The following ZDHHC21 variants were observed in gnomAD, a reference collection of about 807,000 sequenced individuals.
ZDHHC21 encodes the protein palmitoyltransferase ZDHHC21.
ZDHHC21 carries 15 observed loss-of-function variants against 34.6 expected under a neutral mutation model. That is an observed-to-expected ratio of 0.43 (90% confidence interval 0.29 to 0.67). The LOEUF (loss-of-function observed/expected upper bound fraction) is 0.67. Ranked by LOEUF, ZDHHC21 falls within the 30% of genes least tolerant of loss-of-function variation. The pLI, the probability that ZDHHC21 is intolerant of heterozygous loss-of-function variation, is 0.14. For synonymous variants in ZDHHC21, 142 were observed against 101.8 expected, an observed-to-expected ratio of 1.40 and a Z score of -2.38; for missense variants, 344 against 327.7, an observed-to-expected ratio of 1.05 and a Z score of -0.38.
In ZDHHC21 at chr9:14,615,744, G is replaced by A. The variant is rs1824041225; in HGVS notation, c.*3222C>T. 6.6e-6 allele frequency: 1 copy of A among 151,728 alleles called. No homozygotes were observed. The highest frequency in any genetic ancestry group is 1.5e-5 in the Non-Finnish European group (1 of 67,708). 9.4% of individuals were successfully genotyped at this position (151,728 alleles called of 1,614,324 possible). A position where few individuals can be genotyped will look rare whatever the true frequency, so the allele number is the denominator to read the frequency against. ...GAAAACAACAATGACAAATATGATT[G>A]TTAAGGAGGTGTAACTTACAGTATC... is the stretch of plus-strand genomic sequence containing the variant. On this transcript the variant is annotated 3_prime_UTR_variant, in exon 10 of 10. Transcript: ENST00000380916.
intron 8 of ZDHHC21, among the ~76,000 whole-genome samples, chr9:14,621,743 A>G (rs1167410029): frequency 6.6e-6 from 1 of 152,146 alleles, no homozygotes; most frequent in East Asian, 1.9e-4. Flanking sequence ...CCAGAGCAAT[A>G]CAAATTAGGT....
chr9:14,608,090 G>C (rs540412548), downstream of ZDHHC21, among the ~76,000 whole-genome samples: 8 of 152,192 alleles, frequency 5.3e-5, no homozygotes, highest in East Asian at 1.5e-3. Flanking sequence ...CTTCATACTG[G>C]TTACTTCTAG....
chr9:14,666,442 A>C (rs1203331330), intron 5 of ZDHHC21, among the ~76,000 whole-genome samples: 1 of 101,294 alleles, frequency 9.9e-6, no homozygotes, highest in Admixed American at 9.7e-5. Flanking sequence ...CAGATCAACG[A>C]GACAGAAAGT....
At chr9:14,681,312 TG>T (rs1837330202) in intron 2 of ZDHHC21, among the ~76,000 whole-genome samples, 2 of 152,172 alleles carry the variant, frequency 1.3e-5, no homozygotes, top group South Asian at 4.1e-4. Flanking sequence ...CCTAGCACAC[TG>T]GGCTCAAGCA....
intron 8 of ZDHHC21, among the ~76,000 whole-genome samples, chr9:14,630,127 T>G (rs1827074843): frequency 6.6e-6 from 1 of 152,210 alleles, no homozygotes; most frequent in South Asian, 2.1e-4. Context: ...CTCTGTAGCA[T>G]GCGATGCAAT....
intron 7 of ZDHHC21, among the ~76,000 whole-genome samples, chr9:14,653,929 T>G (rs552663570): frequency 6.6e-6 from 1 of 152,002 alleles, no homozygotes; most frequent in Non-Finnish European, 1.5e-5. Context: ...TGTTTAAAGA[T>G]ACTGGCAAGT....
chr9:14,658,413 G>A (rs932213000), intron 7 of ZDHHC21, among the ~76,000 whole-genome samples: 29 of 116,404 alleles, frequency 2.5e-4, no homozygotes, highest in African/African-American at 1.2e-3. Flanking sequence ...GGAACCACAT[G>A]TTAATAATTG....
At chr9:14,681,134 C>T (rs558607111) in intron 2 of ZDHHC21, among the ~76,000 whole-genome samples, 18 of 152,092 alleles carry the variant, frequency 1.2e-4, no homozygotes, top group African/African-American at 2.2e-4. Context: ...ATTACTAGTA[C>T]GCACAGATAT....
the ZDHHC21 span, among the ~76,000 whole-genome samples, chr9:14,594,822 T>A: frequency 6.6e-6 from 1 of 152,276 alleles, no homozygotes; most frequent in South Asian, 2.1e-4. Context: ...AACACATAAT[T>A]CTTATAATAA....
At chr9:14,678,450 ATC>A (rs1210608477) in intron 3 of ZDHHC21, among the ~76,000 whole-genome samples, 19 of 152,078 alleles carry the variant, frequency 1.2e-4, no homozygotes, top group African/African-American at 4.3e-4. Context: ...CCAATGGCTA[ATC>A]ATTACTGATT....
the ZDHHC21 span, among the ~76,000 whole-genome samples, chr9:14,600,939 C>T: frequency 1.3e-5 from 2 of 152,070 alleles, no homozygotes; most frequent in Admixed American, 6.6e-5. Context: ...GGGAAAACTG[C>T]ATGGCCATAT....
At chr9:14,658,464 CTT>C (rs769819264) in intron 7 of ZDHHC21, among the ~76,000 whole-genome samples, 1,036 of 65,116 alleles carry the variant, frequency 0.016, 2 homozygotes, top group African/African-American at 0.063. Flanking sequence ...ATAAACATTT[CTT>C]TTTTTTTTTT....
chr9:14,684,113 C>T (rs1274290176), intron 2 of ZDHHC21, among the ~76,000 whole-genome samples: 1 of 151,886 alleles, frequency 6.6e-6, no homozygotes. Flanking sequence ...TGGGCAAAAA[C>T]TGGAAGCATT....
At chr9:14,661,703 C>G (rs1428629501) in intron 6 of ZDHHC21, among the ~76,000 whole-genome samples, 1 of 152,174 alleles carries the variant, frequency 6.6e-6, no homozygotes, top group Admixed American at 6.5e-5. Flanking sequence ...AGCTAATTAT[C>G]ACTCACATAC....
At position 14,616,561 on chromosome 9, in the gene ZDHHC21, T is replaced by C. The variant is rs571594568; in HGVS notation, c.*2405A>G. 6.6e-6 allele frequency: 1 copy of C among 151,842 alleles called. No homozygotes were observed. The highest frequency in any genetic ancestry group is 1.9e-4 in the East Asian group (1 of 5,162). The allele number at this position is 151,842 out of a possible 1,614,324, so 9.4% of individuals were successfully genotyped here. Reference sequence around the variant, plus strand: ...TTAGAGCCAGTATAATTACATCAATTAGCCAAAAGAGGGCGCAGAAACAAC... The same window carrying C: ...TTAGAGCCAGTATAATTACATCAATCAGCCAAAAGAGGGCGCAGAAACAAC... On this transcript the variant is annotated 3_prime_UTR_variant, in exon 10 of 10. Transcript: ENST00000380916.
chr9:14,652,318 T>C (rs1211165130), intron 7 of ZDHHC21, among the ~76,000 whole-genome samples: 3 of 151,882 alleles, frequency 2.0e-5, no homozygotes, highest in African/African-American at 7.2e-5. Context: ...AGAATATAAA[T>C]CAATATCTAT....
chr9:14,686,418 T>C (rs1036226226), intron 2 of ZDHHC21, among the ~76,000 whole-genome samples: 6 of 152,128 alleles, frequency 3.9e-5, no homozygotes, highest in Non-Finnish European at 7.3e-5. Flanking sequence ...GTTACAAGTG[T>C]GTTAAGTGTG....
chr9:14,682,781 T>G (rs1249990898), intron 2 of ZDHHC21, among the ~76,000 whole-genome samples: 1 of 152,164 alleles, frequency 6.6e-6, no homozygotes. Flanking sequence ...GACCACATAG[T>G]TAGAAGTAAA....
intron 7 of ZDHHC21, among the ~76,000 whole-genome samples, chr9:14,646,778 C>G (rs978678603): frequency 2.0e-5 from 3 of 152,102 alleles, no homozygotes; most frequent in Non-Finnish European, 4.4e-5. Context: ...CAGAAAATCC[C>G]AGTATTCCCT....
Sources: gnomAD v4.1 joint callset for allele counts (sites outside exome capture counted in the v4.1 genomes callset) on GRCh38, gnomAD v4.1.1 for gene constraint, MANE v1.5 for transcripts, NCBI Gene and HGNC (gene_info 2026-07-23, HGNC 2026-07-21) for gene names.